Variants in SLC23A2 observed in about 807,000 individuals in gnomAD.
SLC23A2 encodes Na(+)/L-ascorbic acid transporter 2.
Under a neutral mutation model 73.3 loss-of-function variants are expected in SLC23A2, and 36 were observed. The ratio of observed to expected loss-of-function variants is 0.49; its 90% CI spans 0.38 to 0.65. The LOEUF is 0.65. SLC23A2 is among the 30% of genes least tolerant of loss of function. SLC23A2 has a pLI of 0.00. For missense variants in SLC23A2, 507 were observed against 841.6 expected, an observed-to-expected ratio of 0.60 and a Z score of 4.92; for synonymous variants, 343 against 327.3, an observed-to-expected ratio of 1.05 and a Z score of -0.52.
chr20:4,909,668 C>T (rs1289892516), intron 4 of SLC23A2, among the ~76,000 whole-genome samples: 1 of 152,130 alleles, frequency 6.6e-6, no homozygotes, highest in Non-Finnish European at 1.5e-5. Context: ...ATTCTCTTGC[C>T]TCAGCCTCCC....
At chr20:4,895,514 C>G (rs1477674331) in intron 6 of SLC23A2, among the ~76,000 whole-genome samples, 1 of 152,146 alleles carries the variant, frequency 6.6e-6, no homozygotes, top group Non-Finnish European at 1.5e-5. Context: ...TTTTAGGAAA[C>G]ATAATAATCT....
intron 1 of SLC23A2, among the ~76,000 whole-genome samples, chr20:4,978,490 C>A (rs1361492228): frequency 6.6e-6 from 1 of 152,176 alleles, no homozygotes; most frequent in Admixed American, 6.5e-5. Flanking sequence ...GGGCAGGCTG[C>A]TTCTCCCCAG....
chr20:4,946,012 C>T (rs2087114544), intron 2 of SLC23A2, among the ~76,000 whole-genome samples: 1 of 152,140 alleles, frequency 6.6e-6, no homozygotes, highest in Admixed American at 6.5e-5. Flanking sequence ...TAATTAATTA[C>T]AATAATCTAC....
At chr20:4,878,430 C>T (rs904300818) in intron 9 of SLC23A2, among the ~76,000 whole-genome samples, 3 of 152,142 alleles carry the variant, frequency 2.0e-5, no homozygotes, top group South Asian at 4.1e-4. Flanking sequence ...AAGTGATCTG[C>T]CCACCTTGGC....
At chr20:4,916,547 T>C (rs999577046) in intron 3 of SLC23A2, among the ~76,000 whole-genome samples, 3 of 152,166 alleles carry the variant, frequency 2.0e-5, no homozygotes, top group Admixed American at 6.5e-5. Context: ...TTCACCTCGA[T>C]ACATTAAAAA....
Position 4,935,043 on chromosome 20 carries a change from T to C in SLC23A2, c.-154-2327A>G, listed in dbSNP as rs372927523. On this transcript the variant is annotated intron_variant, in intron 2 of 16. Coordinates refer to ENST00000338244, the MANE Select transcript of SLC23A2 (RefSeq NM_005116.6). ...TCTACTAAATATACAAAAAATTAGC[T>C]GGGCGTGGTGGCGGGCACCTGTAGT... is the stretch of plus-strand genomic sequence containing the variant. 7.5e-4 allele frequency among the ~76,000 whole-genome samples: 112 copies of C among 150,280 alleles called. 1 individual carries two copies. Among genetic ancestry groups the C allele is most frequent in the African/African-American group, 2.7e-3 (109 of 40,946 alleles).
chr20:4,967,461 TCTTC>T (rs1170539277), intron 2 of SLC23A2, among the ~76,000 whole-genome samples: 1 of 152,206 alleles, frequency 6.6e-6, no homozygotes, highest in Non-Finnish European at 1.5e-5. Context: ...AACTGTTCCA[TCTTC>T]CTTCCTTACC....
In SLC23A2 at chr20:4,859,382, T is replaced by A. The variant is rs1248135922; in HGVS notation, c.1627A>T (p.Ile543Leu). Residue 543 changes from isoleucine to leucine, a missense_variant and splice_region_variant, in exon 16 of 17, where the codon ATA (isoleucine) becomes TTA (leucine). Ile to Leu is a conservative substitution (Grantham distance 5). Transcript: ENST00000338244. The stretch of plus-strand genomic sequence containing the variant: ...TTCAACACTTGATCGATTCCTGTTA[T>A]CCCTAGAAAGAGAACACAGCCATAA... The part of the protein sequence containing the change: ...YLRQNPLVTG[I>L]TGIDQVLNVL... The A allele has an allele frequency of 6.2e-7, 1 of 1,606,368 alleles. No individual in the cohort carries two copies. Among genetic ancestry groups the A allele is most frequent in the Non-Finnish European group, 8.5e-7 (1 of 1,173,088 alleles).
intron 4 of SLC23A2, among the ~76,000 whole-genome samples, chr20:4,911,113 A>G (rs6133175): frequency 0.29 from 44,231 of 152,034 alleles, 7,990 homozygotes; most frequent in East Asian, 0.64. Context: ...GTCTGTGAAG[A>G]AGCCCTTTGT....
chr20:4,920,868 C>A (rs1000947101), intron 3 of SLC23A2, among the ~76,000 whole-genome samples: 2 of 152,128 alleles, frequency 1.3e-5, no homozygotes, highest in African/African-American at 4.8e-5. Context: ...CCTCAAAGTG[C>A]TATCAGATCC....
intron 1 of SLC23A2, among the ~76,000 whole-genome samples, chr20:4,994,620 T>C (rs2087986703): frequency 6.6e-6 from 1 of 151,926 alleles, no homozygotes; most frequent in African/African-American, 2.4e-5. Flanking sequence ...CCGTCTCTAC[T>C]AAAAATATGA....
intron 2 of SLC23A2, among the ~76,000 whole-genome samples, chr20:4,958,670 G>A (rs1239250464): frequency 1.3e-5 from 2 of 151,582 alleles, no homozygotes; most frequent in Admixed American, 6.6e-5. Context: ...TCAAGCAATC[G>A]ACCTGCCTCG....
At chr20:4,923,060 T>C (rs548583015) in intron 3 of SLC23A2, among the ~76,000 whole-genome samples, 95 of 152,258 alleles carry the variant, frequency 6.2e-4, no homozygotes, top group African/African-American at 1.8e-3. Context: ...TATTGCAATA[T>C]GATAAACTTA....
At chr20:4,987,675 C>T (rs1252917231) in intron 1 of SLC23A2, among the ~76,000 whole-genome samples, 1 of 151,960 alleles carries the variant, frequency 6.6e-6, no homozygotes, top group African/African-American at 2.4e-5. Flanking sequence ...GGTGAAACCC[C>T]GTCTCTACTA....
rs1929732377 is a variant in SLC23A2 at position 4,856,901 on chromosome 20, A to C, written c.*71T>G. ...ATGTAGATATACAAACATGTATTTT[A>C]CTTCTTGTTACTCAGCAAGGAACTA... On this transcript the variant is annotated 3_prime_UTR_variant, in exon 17 of 17. Transcript: ENST00000338244. The surrounding 1 kb of genome is among the most constrained non-coding windows in gnomAD (Gnocchi z 4.6). 8 of 925,826 alleles carry C rather than the reference A, an allele frequency of 8.6e-6. No homozygotes were observed. The highest frequency in any genetic ancestry group is 1.4e-5 in the Non-Finnish European group (8 of 581,260). The allele number at this position is 925,826 out of a possible 1,614,324, so 57.4% of individuals were successfully genotyped here. A position where few individuals can be genotyped will look rare whatever the true frequency, so the allele number is the denominator to read the frequency against.
rs1223036252 is a variant in SLC23A2 at position 4,998,102 on chromosome 20, AT to A, written c.-282+3303del. Among the ~76,000 whole-genome samples the A allele has an allele frequency of 6.6e-6, 1 of 152,158 alleles. No individual in the cohort carries two copies. Reference sequence around the variant, plus strand: ...TTGTTTAAGCCACCCACACTGTGCTATTTTTGTTATGGCAGTGTTAGCAGAC... The same window carrying A: ...TTGTTTAAGCCACCCACACTGTGCTATTTTGTTATGGCAGTGTTAGCAGAC... On this transcript the variant is annotated intron_variant, in intron 1 of 16. Transcript: ENST00000338244. This position sits in a 1 kb window ranked among gnomAD's most constrained non-coding sequence, Gnocchi z 4.1.
intron 1 of SLC23A2, among the ~76,000 whole-genome samples, chr20:4,991,488 C>A (rs1344290206): frequency 1.3e-5 from 2 of 152,030 alleles, no homozygotes; most frequent in African/African-American, 4.8e-5. Flanking sequence ...CTTTGGGAGG[C>A]CGAGGCAGGT....
intron 2 of SLC23A2, among the ~76,000 whole-genome samples, chr20:4,937,296 A>G (rs1193830063): frequency 6.6e-6 from 1 of 152,188 alleles, no homozygotes; most frequent in Non-Finnish European, 1.5e-5. Context: ...GGAATTTGAC[A>G]CTGGGGAAAG....
chr20:4,933,152 T>C (rs1932807652), intron 2 of SLC23A2, among the ~76,000 whole-genome samples: 1 of 152,218 alleles, frequency 6.6e-6, no homozygotes, highest in Non-Finnish European at 1.5e-5. Context: ...TTTAATTGTA[T>C]CTAATTTAAA....
Sources: gnomAD v4.1 joint callset for allele counts (sites outside exome capture counted in the v4.1 genomes callset) on GRCh38, gnomAD v4.1.1 for gene constraint, Gnocchi (gnomAD v3.1) non-coding constraint, MANE v1.5 for transcripts, NCBI Gene and HGNC (gene_info 2026-07-23, HGNC 2026-07-21) for gene names.